STARD13: variants seen among roughly 807,000 people sequenced by gnomAD.
STARD13 encodes the protein StAR related lipid transfer domain containing 13.
Under a neutral mutation model 106.4 loss-of-function variants are expected in STARD13, and 62 were observed. The ratio of observed to expected loss-of-function variants is 0.58; its 90% confidence interval spans 0.48 to 0.72. The LOEUF is 0.72. Ranked by LOEUF, STARD13 falls within the 30% of genes least tolerant of loss-of-function variation. STARD13 has a pLI of 0.00. For synonymous variants in STARD13, 565 were observed against 553.0 expected (o/e 1.02, Z -0.31); for missense variants, 1,387 against 1,424.0 (o/e 0.97, Z 0.42).
At chr13:33,575,152 G>A in the STARD13 span, among the ~76,000 whole-genome samples, 17 of 151,970 alleles carry the variant, frequency 1.1e-4, no homozygotes, top group Admixed American at 1.3e-4. Flanking sequence ...TCCTGACCTC[G>A]TAACCTGCCT....
chr13:33,237,116 G>A (rs1480634344), intron 1 of STARD13, among the ~76,000 whole-genome samples: 1 of 151,860 alleles, frequency 6.6e-6, no homozygotes, highest in Non-Finnish European at 1.5e-5. Context: ...CTACAATCTT[G>A]TCCATGTCAA....
the STARD13 span, among the ~76,000 whole-genome samples, chr13:33,474,144 G>A: frequency 6.6e-6 from 1 of 152,132 alleles, no homozygotes; most frequent in Non-Finnish European, 1.5e-5. Flanking sequence ...CTCATTTTCT[G>A]GTTGAATGGG....
At chr13:33,155,498 A>T (rs1027372685) in intron 3 of STARD13, 4 of 152,096 alleles carry the variant, frequency 2.6e-5, no homozygotes, top group African/African-American at 9.7e-5. Context: ...ATACATAGAG[A>T]AGTGAATAAC....
intron 1 of STARD13, among the ~76,000 whole-genome samples, chr13:33,216,709 A>G (rs1888064287): frequency 6.6e-6 from 1 of 152,194 alleles, no homozygotes; most frequent in East Asian, 1.9e-4. Flanking sequence ...CCAAAAATCT[A>G]TGGCAATAAA....
At chr13:33,549,687 C>T in the STARD13 span, among the ~76,000 whole-genome samples, 4 of 152,180 alleles carry the variant, frequency 2.6e-5, no homozygotes, top group African/African-American at 4.8e-5. Flanking sequence ...TAATTAGAGC[C>T]GCATTATTGC....
At chr13:33,386,777 A>T in the STARD13 span, among the ~76,000 whole-genome samples, 75 of 152,140 alleles carry the variant, frequency 4.9e-4, no homozygotes, top group East Asian at 0.014. Flanking sequence ...TGGCACTGGA[A>T]TCCTGGGGGC....
At chr13:33,173,995 C>T (rs766813481) in intron 1 of STARD13, among the ~76,000 whole-genome samples, 1 of 152,152 alleles carries the variant, frequency 6.6e-6, no homozygotes, top group Non-Finnish European at 1.5e-5. Flanking sequence ...TACACATAAG[C>T]CTTGTTTCCT....
At chr13:33,628,168 C>CAG in the STARD13 span, among the ~76,000 whole-genome samples, 1 of 151,232 alleles carries the variant, frequency 6.6e-6, no homozygotes, top group Admixed American at 6.6e-5. Context: ...CACACACACA[C>CAG]ACACACACAC....
At chr13:33,576,401 C>CTT in the STARD13 span, among the ~76,000 whole-genome samples, 323 of 144,364 alleles carry the variant, frequency 2.2e-3, 1 homozygote, top group African/African-American at 6.4e-3. Context: ...TGTAATTTTT[C>CTT]TTTTTTTTTT....
At chr13:33,360,063 C>G in the STARD13 span, among the ~76,000 whole-genome samples, 1 of 152,194 alleles carries the variant, frequency 6.6e-6, no homozygotes, top group African/African-American at 2.4e-5. Context: ...GTTCTGCCAA[C>G]GTCCTGCAAC....
chr13:33,615,710 C>G, the STARD13 span, among the ~76,000 whole-genome samples: 2 of 152,138 alleles, frequency 1.3e-5, no homozygotes, highest in African/African-American at 4.8e-5. Flanking sequence ...AAGCATGGTG[C>G]TGTGCAAATC....
the STARD13 span, among the ~76,000 whole-genome samples, chr13:33,537,061 T>C: frequency 1.3e-5 from 2 of 151,546 alleles, no homozygotes; most frequent in African/African-American, 2.5e-5. Flanking sequence ...AATTTCAGGA[T>C]TCATTAAATA....
chr13:33,359,029 G>A, the STARD13 span, among the ~76,000 whole-genome samples: 1 of 152,162 alleles, frequency 6.6e-6, no homozygotes, highest in African/African-American at 2.4e-5. Flanking sequence ...TGACAAAACA[G>A]GCTACTGGGC....
the STARD13 span, among the ~76,000 whole-genome samples, chr13:33,608,819 G>C: frequency 1.3e-5 from 2 of 152,170 alleles, no homozygotes; most frequent in Non-Finnish European, 2.9e-5. Flanking sequence ...GGGCCCGATG[G>C]CTCACGCCTG....
chr13:33,126,509 A>G lies in STARD13; in HGVS notation c.1923-269T>C, dbSNP rs527513454. On this transcript the variant is annotated intron_variant, in intron 6 of 13. Transcript: ENST00000336934. The stretch of plus-strand genomic sequence containing the variant: ...TTCAGGTCAAGTGGACAACTTTCCA[A>G]TTTAACTGTGATAGACTTATTTCTC... Among the ~76,000 whole-genome samples the G allele has an allele frequency of 3.3e-5, 5 of 152,338 alleles. No homozygotes were observed. In the South Asian group the frequency reaches 8.3e-4, roughly 25 times the overall value.
the STARD13 span, among the ~76,000 whole-genome samples, chr13:33,389,527 A>G: frequency 6.6e-6 from 1 of 151,958 alleles, no homozygotes; most frequent in African/African-American, 2.4e-5. Flanking sequence ...TCAGCTATTT[A>G]TTTGCCTGCT....
At chr13:33,595,149 T>C in the STARD13 span, among the ~76,000 whole-genome samples, 1 of 152,220 alleles carries the variant, frequency 6.6e-6, no homozygotes, top group Non-Finnish European at 1.5e-5. Context: ...CTTCTTCACA[T>C]AGATGTACTT....
chr13:33,322,780 T>C (rs113977985), intron 1 of STARD13, among the ~76,000 whole-genome samples: 50 of 152,312 alleles, frequency 3.3e-4, no homozygotes, highest in African/African-American at 1.2e-3. Context: ...TAAGTCGATA[T>C]TTGCTACAAT....
At chr13:33,381,280 A>G in the STARD13 span, among the ~76,000 whole-genome samples, 10 of 152,160 alleles carry the variant, frequency 6.6e-5, no homozygotes, top group South Asian at 2.1e-3. Context: ...TAACCATTGA[A>G]TTTTTTTGCT....
Sources: gnomAD v4.1 joint callset for allele counts (sites outside exome capture counted in the v4.1 genomes callset) on GRCh38, gnomAD v4.1.1 for gene constraint, MANE v1.5 for transcripts, NCBI Gene and HGNC (gene_info 2026-07-23, HGNC 2026-07-21) for gene names.